HACE1: variants seen among roughly 807,000 people sequenced by gnomAD.
The protein encoded by HACE1 is E3 ubiquitin-protein ligase HACE1.
Under a neutral mutation model 118.4 loss-of-function variants are expected in HACE1, and 73 were observed. The ratio of observed to expected loss-of-function variants is 0.62; its 90% CI spans 0.51 to 0.75. The LOEUF (loss-of-function observed/expected upper bound fraction) is 0.75, where lower values mean the gene tolerates loss of function less well. Among genes scored for constraint, HACE1 ranks in the 30% least tolerant of loss-of-function variants. The probability of loss-of-function intolerance (pLI) is 0.00; values close to 1 mark genes in which losing one functional copy is unlikely to be tolerated. For missense variants in HACE1, 749 were observed against 1,102.2 expected (o/e 0.68, Z 4.54); for synonymous variants, 368 against 374.8 (o/e 0.98, Z 0.21).
chr6:104,848,012 T>C (rs1210322409), intron 4 of HACE1, among the ~76,000 whole-genome samples: 2 of 151,770 alleles, frequency 1.3e-5, no homozygotes, highest in African/African-American at 2.4e-5. Context: ...CCACCATGCC[T>C]GGATTATTTT....
intron 5 of HACE1, among the ~76,000 whole-genome samples, chr6:104,841,198 T>C (rs1005046929): frequency 6.6e-6 from 1 of 152,074 alleles, no homozygotes; most frequent in Non-Finnish European, 1.5e-5. Context: ...GCCAAGAGAC[T>C]GTTTTCTACA....
chr6:104,807,655 T>C (rs946189845), intron 7 of HACE1, among the ~76,000 whole-genome samples: 3 of 152,000 alleles, frequency 2.0e-5, no homozygotes, highest in Admixed American at 6.6e-5. Context: ...ATTTGAAATA[T>C]TGGTAGAAGT....
chr6:104,796,874 C>A, intron 8 of HACE1, 55 bp downstream of exon 8: 1 of 1,154,712 alleles, frequency 8.7e-7, no homozygotes, highest in South Asian at 1.2e-5. Context: ...TAATTTTTAC[C>A]ATTCCAGTTT....
intron 11 of HACE1, among the ~76,000 whole-genome samples, chr6:104,789,308 A>C (rs1267387441): frequency 6.6e-6 from 1 of 152,168 alleles, no homozygotes; most frequent in East Asian, 1.9e-4. Flanking sequence ...TGAGTTTTAC[A>C]ATTAGTGTTT....
intron 20 of HACE1, among the ~76,000 whole-genome samples, chr6:104,746,165 A>G (rs1259405247): frequency 6.6e-6 from 1 of 152,228 alleles, no homozygotes; most frequent in Non-Finnish European, 1.5e-5. Flanking sequence ...TTATGTGAAT[A>G]AAATATTTTA....
At chr6:104,841,450 C>T (rs1452042932) in intron 5 of HACE1, among the ~76,000 whole-genome samples, 1 of 152,094 alleles carries the variant, frequency 6.6e-6, no homozygotes, top group Non-Finnish European at 1.5e-5. Context: ...CCCTCTGTTG[C>T]ACGTACCGTG....
chr6:104,744,758 C>A, intron 20 of HACE1, 148 bp from the exon 21 acceptor site: 1 of 637,136 alleles, frequency 1.6e-6, no homozygotes. Context: ...CAACAACAAG[C>A]ATTACATGAG....
chr6:104,740,011 A>C (rs1423526242), intron 22 of HACE1, among the ~76,000 whole-genome samples: 1 of 149,858 alleles, frequency 6.7e-6, no homozygotes, highest in Non-Finnish European at 1.5e-5. Flanking sequence ...GGATTAAGAA[A>C]CTCACTCAAA....
Position 104,859,914 on chromosome 6 carries a change from C to T in HACE1, c.-272G>A, listed in dbSNP as rs1438637101. The T allele has an allele frequency of 4.5e-6, 2 of 442,562 alleles. No individual in the cohort carries two copies. Among genetic ancestry groups the T allele is most frequent in the South Asian group, 2.8e-5 (1 of 35,796 alleles). 27.4% of individuals were successfully genotyped at this position (442,562 alleles called of 1,614,324 possible). On this transcript the variant is annotated 5_prime_UTR_variant, in exon 1 of 24. Transcript: ENST00000262903. ...CCGCGTCCCTCCCGGGCTCGCGTGG[C>T]CTTCTGGGAACTGTAGTTTCCAGCT... is the stretch of plus-strand genomic sequence containing the variant.
chr6:104,737,479 C>T (rs994320311), intron 22 of HACE1, among the ~76,000 whole-genome samples: 15 of 152,098 alleles, frequency 9.9e-5, no homozygotes, highest in African/African-American at 3.1e-4. Flanking sequence ...GCGCACCGTG[C>T]GCGAGCCGAA....
intron 6 of HACE1, among the ~76,000 whole-genome samples, chr6:104,826,296 C>A (rs1171763056): frequency 6.6e-6 from 1 of 152,016 alleles, no homozygotes; most frequent in Non-Finnish European, 1.5e-5. Context: ...CAACAATGAA[C>A]AAAACAGACA....
intron 17 of HACE1, among the ~76,000 whole-genome samples, chr6:104,773,029 G>A (rs376495256): frequency 1.7e-3 from 258 of 151,180 alleles, no homozygotes; most frequent in Admixed American, 4.7e-3. Context: ...TTTCACCACC[G>A]TAAAAAAAAA....
intron 1 of HACE1, chr6:104,859,358 T>C: frequency 1.9e-6 from 1 of 518,532 alleles, no homozygotes; most frequent in Non-Finnish European, 3.4e-6. Context: ...ACCAACCCAG[T>C]TTCCTCCCGA....
At chr6:104,790,846 AC>A (rs1022309090) in intron 11 of HACE1, among the ~76,000 whole-genome samples, 6 of 152,202 alleles carry the variant, frequency 3.9e-5, no homozygotes, top group Non-Finnish European at 5.9e-5. Flanking sequence ...ACCCAAAAAA[AC>A]ATTAACAAGA....
At chr6:104,804,392 T>G (rs958059627) in intron 7 of HACE1, among the ~76,000 whole-genome samples, 4 of 152,102 alleles carry the variant, frequency 2.6e-5, no homozygotes, top group South Asian at 2.1e-4. Flanking sequence ...ACCAAAAAAG[T>G]GCCCTCATTG....
intron 6 of HACE1, among the ~76,000 whole-genome samples, chr6:104,829,597 C>T (rs1773661797): frequency 6.6e-6 from 1 of 152,162 alleles, no homozygotes; most frequent in South Asian, 2.1e-4. Context: ...TCATAGGTAA[C>T]GATCCAGAAA....
chr6:104,757,070 C>G (rs932977854), intron 19 of HACE1, among the ~76,000 whole-genome samples: 1 of 152,194 alleles, frequency 6.6e-6, no homozygotes, highest in Non-Finnish European at 1.5e-5. Flanking sequence ...GAAGCTTGAA[C>G]TGGGCGGTGG....
intron 6 of HACE1, among the ~76,000 whole-genome samples, chr6:104,831,645 G>A (rs1192496140): frequency 6.6e-6 from 1 of 151,548 alleles, no homozygotes; most frequent in Non-Finnish European, 1.5e-5. Flanking sequence ...TGTAATCCCA[G>A]CATTTTAGGA....
intron 19 of HACE1, among the ~76,000 whole-genome samples, chr6:104,753,973 A>G (rs887469777): frequency 3.3e-5 from 5 of 152,210 alleles, no homozygotes; most frequent in African/African-American, 1.2e-4. Flanking sequence ...ATAAAGGAGC[A>G]TGTTTTAACC....
Sources: gnomAD v4.1 joint callset for allele counts (sites outside exome capture counted in the v4.1 genomes callset) on GRCh38, gnomAD v4.1.1 for gene constraint, MANE v1.5 for transcripts, NCBI Gene and HGNC (gene_info 2026-07-23, HGNC 2026-07-21) for gene names.